The following SLC4A10 variants were observed in gnomAD, a reference collection of about 807,000 sequenced individuals.
SLC4A10 encodes the protein solute carrier family 4 member 10, also known as sodium-driven chloride bicarbonate exchanger.
SLC4A10 carries 42 observed loss-of-function variants against 137.7 expected under a neutral mutation model. The ratio of observed to expected loss-of-function variants is 0.30; its 90% CI spans 0.24 to 0.39. The LOEUF is 0.39. Ranked by LOEUF, SLC4A10 falls within the 10% of genes least tolerant of loss-of-function variation. The pLI, the probability that SLC4A10 is intolerant of heterozygous loss-of-function variation, is 1.00. For synonymous variants in SLC4A10, 474 were observed against 464.1 expected, an observed-to-expected ratio of 1.02 and a Z score of -0.27; for missense variants, 925 against 1,355.0, an observed-to-expected ratio of 0.68 and a Z score of 4.98.
chr2:161,960,915 A>G (rs1300582631), intron 21 of SLC4A10, among the ~76,000 whole-genome samples: 1 of 152,108 alleles, frequency 6.6e-6, no homozygotes, highest in African/African-American at 2.4e-5. Flanking sequence ...ATTTCTATTG[A>G]TTTAAACCAC....
intron 1 of SLC4A10, among the ~76,000 whole-genome samples, chr2:161,706,754 T>C (rs1046869328): frequency 6.6e-6 from 1 of 151,602 alleles, no homozygotes; most frequent in Non-Finnish European, 1.5e-5. Context: ...GTCTAACCTA[T>C]GTTGTATTTG....
intron 2 of SLC4A10, among the ~76,000 whole-genome samples, chr2:161,780,863 G>A (rs2052928665): frequency 1.3e-5 from 2 of 151,980 alleles, no homozygotes; most frequent in Admixed American, 6.6e-5. Context: ...TTCATAGGAA[G>A]AGATAATATG....
rs183019704 is a variant in SLC4A10, at chr2:161,797,820, A to G, written c.131-6629A>G. On this transcript the variant is annotated intron_variant, in intron 2 of 26. Coordinates refer to ENST00000446997, the MANE Select transcript of SLC4A10 (RefSeq NM_001178015.2). The stretch of plus-strand genomic sequence containing the variant: ...GAAACAGTATTTTTGAAAATGTGCC[A>G]CAGTACCTTCTAAACTAGTAAATCT... 1.5e-3 allele frequency among the ~76,000 whole-genome samples: 223 copies of G among 152,164 alleles called. 1 individual carries two copies. Among genetic ancestry groups the G allele is most frequent in the Non-Finnish European group, 5.4e-4 (37 of 67,954 alleles).
intron 1 of SLC4A10, chr2:161,708,960 G>C: frequency 9.0e-7 from 1 of 1,110,194 alleles, no homozygotes; most frequent in South Asian, 1.7e-5. Context: ...ATTTGAACAA[G>C]TAAGATTTAT....
At chr2:161,938,288 T>TA (rs1691955784) in intron 15 of SLC4A10, among the ~76,000 whole-genome samples, 1 of 151,870 alleles carries the variant, frequency 6.6e-6, no homozygotes, top group Non-Finnish European at 1.5e-5. Context: ...ATAAATTAAT[T>TA]AATGAATTAA....
chr2:161,878,978 T>C (rs915365923), intron 8 of SLC4A10, among the ~76,000 whole-genome samples, 153 bp from the exon 9 acceptor site: 8 of 152,130 alleles, frequency 5.3e-5, no homozygotes, highest in Admixed American at 2.6e-4. Flanking sequence ...AAAAAGGTTA[T>C]TATAGAAAAA....
intron 10 of SLC4A10, among the ~76,000 whole-genome samples, chr2:161,891,738 A>G (rs1299873917): frequency 2.0e-5 from 3 of 152,012 alleles, no homozygotes; most frequent in Non-Finnish European, 4.4e-5. Flanking sequence ...ATTGGGTTAG[A>G]ACATGCTCCT....
intron 2 of SLC4A10, among the ~76,000 whole-genome samples, chr2:161,793,482 T>C (rs999936381): frequency 6.7e-6 from 1 of 149,126 alleles, no homozygotes; most frequent in African/African-American, 2.5e-5. Flanking sequence ...TTCTACTCTC[T>C]AGTTCTATGT....
chr2:161,758,116 G>A (rs1308631200), intron 1 of SLC4A10, among the ~76,000 whole-genome samples: 1 of 151,500 alleles, frequency 6.6e-6, no homozygotes, highest in Non-Finnish European at 1.5e-5. Context: ...AATTAAGAAA[G>A]TTATTTTGCT....
chr2:161,933,185 T>TTC (rs1355071110), intron 15 of SLC4A10, among the ~76,000 whole-genome samples: 4 of 24,710 alleles, frequency 1.6e-4, no homozygotes, highest in African/African-American at 7.0e-4. Flanking sequence ...CTTCCTTCTT[T>TTC]TCTTTCTTTC....
At chr2:161,898,693 G>A (rs1399434712) in intron 11 of SLC4A10, among the ~76,000 whole-genome samples, 4 of 152,042 alleles carry the variant, frequency 2.6e-5, no homozygotes, top group African/African-American at 9.7e-5. Context: ...ACTCCCTTTT[G>A]TGTACCCTCA....
chr2:161,916,248 T>C (rs1687089753), intron 15 of SLC4A10, among the ~76,000 whole-genome samples: 1 of 152,238 alleles, frequency 6.6e-6, no homozygotes, highest in Admixed American at 6.5e-5. Context: ...CTTGCAACTC[T>C]TTCCCCCTCA....
intron 2 of SLC4A10, among the ~76,000 whole-genome samples, chr2:161,792,993 A>G (rs1359798865): frequency 6.6e-6 from 1 of 152,128 alleles, no homozygotes; most frequent in Non-Finnish European, 1.5e-5. Flanking sequence ...GGTTTGGGGG[A>G]TAATACCCAT....
At chr2:161,639,716 A>G (rs547598158) in intron 1 of SLC4A10, among the ~76,000 whole-genome samples, 1 of 152,304 alleles carries the variant, frequency 6.6e-6, no homozygotes, top group African/African-American at 2.4e-5. Context: ...CTAAAACAAG[A>G]TAAGGATGCC....
At chr2:161,767,135 ATATATGTGTGTGTGTGTG>A (rs1305946726) in intron 1 of SLC4A10, among the ~76,000 whole-genome samples, 2 of 89,526 alleles carry the variant, frequency 2.2e-5, no homozygotes, top group African/African-American at 1.0e-4. Flanking sequence ...ATATATATAT[ATATATGTGTGTGTGTGTG>A]TGTGTGTGTG....
intron 3 of SLC4A10, among the ~76,000 whole-genome samples, chr2:161,818,196 A>G (rs930917818): frequency 2.6e-5 from 4 of 152,154 alleles, no homozygotes; most frequent in African/African-American, 9.7e-5. Context: ...GGTCCTTCGC[A>G]TCCCTTTTAA....
intron 1 of SLC4A10, among the ~76,000 whole-genome samples, chr2:161,665,214 T>TG (rs1194588931): frequency 1.3e-5 from 2 of 151,928 alleles, no homozygotes; most frequent in East Asian, 3.9e-4. Flanking sequence ...AATCATGCAC[T>TG]TTAACTTTTC....
In SLC4A10 at chr2:161,894,859, A is replaced by T. The variant is rs539868258; in HGVS notation, c.1341+34A>T. The T allele has an allele frequency of 1.2e-5, 15 of 1,290,426 alleles. No homozygotes were observed. The Admixed American group carries it at 4.0e-4, about 34-fold the overall frequency. 79.9% of individuals were successfully genotyped at this position (1,290,426 alleles called of 1,614,324 possible). A position where few individuals can be genotyped will look rare whatever the true frequency, so the allele number is the denominator to read the frequency against. On this transcript the variant is annotated intron_variant, in intron 11 of 26. Transcript: ENST00000446997. ...ATTTGAAGACATTCTTTGAAATTGA[A>T]TTTTTTTTTGTCTTTTAAATGCATG...
chr2:161,859,306 T>C (rs200703704), intron 5 of SLC4A10, among the ~76,000 whole-genome samples: 4 of 84,610 alleles, frequency 4.7e-5, no homozygotes, highest in East Asian at 8.5e-4. Flanking sequence ...CTTTTTTTTT[T>C]TTTTAGACGA....
Sources: gnomAD v4.1 joint callset for allele counts (sites outside exome capture counted in the v4.1 genomes callset) on GRCh38, gnomAD v4.1.1 for gene constraint, MANE v1.5 for transcripts, NCBI Gene and HGNC (gene_info 2026-07-23, HGNC 2026-07-21) for gene names.